Variants in SNX31 observed in about 807,000 individuals in gnomAD.
SNX31 encodes sorting nexin-31.
Under a neutral mutation model 65.4 loss-of-function variants are expected in SNX31, and 58 were observed. That is an observed-to-expected ratio of 0.89 (90% CI 0.72 to 1.10). The LOEUF (loss-of-function observed/expected upper bound fraction) is 1.10. SNX31 is among the 50% of genes least tolerant of loss of function. The probability of loss-of-function intolerance (pLI) is 0.00; values close to 1 mark genes in which losing one functional copy is unlikely to be tolerated. For synonymous variants in SNX31, 181 were observed against 190.1 expected (o/e 0.95, Z 0.39); for missense variants, 523 against 529.7 (o/e 0.99, Z 0.12).
In SNX31 at chr8:100,575,375, T is replaced by C. The variant is rs1192059307; in HGVS notation, c.1228-1415A>G. Among the ~76,000 whole-genome samples the C allele has an allele frequency of 6.6e-6, 1 of 152,256 alleles. No individual in the cohort carries two copies. Among genetic ancestry groups the C allele is most frequent in the African/African-American group, 2.4e-5 (1 of 41,474 alleles). On this transcript the variant is annotated intron_variant, in intron 13 of 13. Transcript: ENST00000311812. This position sits in a 1 kb window ranked among gnomAD's most constrained non-coding sequence, Gnocchi z 5.1. ...CATAAAAAGTAATTATAGCAGTTCATGGCTCAGGATAAGGTCTATACAACA... is the reference window on the plus strand; with the variant it reads ...CATAAAAAGTAATTATAGCAGTTCACGGCTCAGGATAAGGTCTATACAACA...
intron 4 of SNX31, among the ~76,000 whole-genome samples, chr8:100,623,760 TC>T (rs1357439848): frequency 2.6e-5 from 4 of 151,974 alleles, no homozygotes; most frequent in African/African-American, 9.7e-5. Context: ...ATCTTCCACT[TC>T]TCCTTCTCTA....
intron 1 of SNX31, among the ~76,000 whole-genome samples, chr8:100,656,640 C>CAAA (rs34052612): frequency 0.04 from 1,799 of 44,602 alleles, 385 homozygotes; most frequent in African/African-American, 0.12. Flanking sequence ...GACTCTGTCT[C>CAAA]AAAAAAAAAA....
rs1812764466 is a variant in SNX31 at position 100,572,928 on chromosome 8, T to C, written c.*937A>G. The C allele has an allele frequency of 6.6e-6, 1 of 152,432 alleles. No homozygotes were observed. Among genetic ancestry groups the C allele is most frequent in the African/African-American group, 2.4e-5 (1 of 41,462 alleles). 9.4% of individuals were successfully genotyped at this position (152,432 alleles called of 1,614,324 possible). A position where few individuals can be genotyped will look rare whatever the true frequency, so the allele number is the denominator to read the frequency against. Reference sequence around the variant, plus strand: ...TTTGTATTTATTATATAATTAGGTATACAACCCAGTTAGAACATTAGAATA... The same window carrying C: ...TTTGTATTTATTATATAATTAGGTACACAACCCAGTTAGAACATTAGAATA... On this transcript the variant is annotated 3_prime_UTR_variant, in exon 14 of 14. Coordinates refer to ENST00000311812, the MANE Select transcript of SNX31 (RefSeq NM_152628.4).
At chr8:100,589,402 G>GAAAGT (rs1814370752) in intron 10 of SNX31, among the ~76,000 whole-genome samples, 1 of 151,992 alleles carries the variant, frequency 6.6e-6, no homozygotes, top group Admixed American at 6.5e-5. Flanking sequence ...GAGGAGCCAT[G>GAAAGT]AAAGTAAATC....
chr8:100,637,599 A>G (rs1818868063), intron 2 of SNX31, among the ~76,000 whole-genome samples: 1 of 152,230 alleles, frequency 6.6e-6, no homozygotes, highest in African/African-American at 2.4e-5. Context: ...TCTCTTTTCT[A>G]GATTATTGCA....
At chr8:100,584,675 T>G (rs1177929585) in intron 11 of SNX31, among the ~76,000 whole-genome samples, 1 of 151,996 alleles carries the variant, frequency 6.6e-6, no homozygotes, top group African/African-American at 2.4e-5. Context: ...AGCACCTTAT[T>G]GCTTTTACTA....
rs1207161511 is a variant in SNX31, at chr8:100,622,696, A to AT, written c.322-4967_322-4966insA. ...AATAAATAAATAAATAAATAAATAA[A>AT]AATAAAAATAAATTAAATGGGGGCA... On this transcript the variant is annotated intron_variant, in intron 4 of 13. Transcript: ENST00000311812. The surrounding 1 kb of genome is among the most constrained non-coding windows in gnomAD (Gnocchi z 5.0). Among the ~76,000 whole-genome samples, 15 of 151,240 alleles carry AT rather than the reference A, an allele frequency of 9.9e-5. No homozygotes were observed. The highest frequency in any genetic ancestry group is 3.6e-4 in the African/African-American group (15 of 41,110).
At chr8:100,603,811 C>T (rs927763355) in intron 8 of SNX31, among the ~76,000 whole-genome samples, 13 of 151,742 alleles carry the variant, frequency 8.6e-5, no homozygotes, top group South Asian at 6.3e-4. Flanking sequence ...GATCTCATCT[C>T]ACTGCAATCT....
intron 2 of SNX31, among the ~76,000 whole-genome samples, chr8:100,642,394 G>C (rs1044641456): frequency 1.3e-5 from 2 of 152,222 alleles, no homozygotes; most frequent in African/African-American, 4.8e-5. Context: ...CAGCAGCCTT[G>C]AATCAACAGG....
At chr8:100,574,603 A>G (rs1295240384) in intron 13 of SNX31, among the ~76,000 whole-genome samples, 5 of 148,762 alleles carry the variant, frequency 3.4e-5, no homozygotes, top group Admixed American at 1.3e-4. Context: ...ACTGCACTTC[A>G]GCCTGGCAAC....
At chr8:100,580,018 AGGCAT>A (rs1330066154) in intron 12 of SNX31, among the ~76,000 whole-genome samples, 1 of 152,034 alleles carries the variant, frequency 6.6e-6, no homozygotes, top group Non-Finnish European at 1.5e-5. Flanking sequence ...AAAATTAGCC[AGGCAT>A]GGTGGTGTGT....
chr8:100,585,927 G>T (rs1563516136), intron 11 of SNX31, among the ~76,000 whole-genome samples: 1 of 151,036 alleles, frequency 6.6e-6, no homozygotes, highest in African/African-American at 2.4e-5. Flanking sequence ...TCGAGTTGTT[G>T]TTTTTTTTTC....
chr8:100,655,612 A>T (rs1273318538), intron 1 of SNX31, among the ~76,000 whole-genome samples: 2 of 152,202 alleles, frequency 1.3e-5, no homozygotes. Flanking sequence ...CTCCCCAACC[A>T]TGTGGAACTG....
chr8:100,659,922 T>TA (rs1305294583), intron 1 of SNX31, among the ~76,000 whole-genome samples: 4 of 152,170 alleles, frequency 2.6e-5, no homozygotes, highest in African/African-American at 9.6e-5. Context: ...CTTTCATAGG[T>TA]AAAATGAGAC....
At chr8:100,652,310 T>C (rs1284442343), upstream of SNX31, among the ~76,000 whole-genome samples, 1 of 152,212 alleles carries the variant, frequency 6.6e-6, no homozygotes, top group Non-Finnish European at 1.5e-5. Flanking sequence ...GAGTTTTAAA[T>C]AAACATTTAT....
upstream of SNX31, among the ~76,000 whole-genome samples, chr8:100,651,245 C>T (rs184064815): frequency 6.7e-4 from 102 of 152,304 alleles, 1 homozygote; most frequent in African/African-American, 2.2e-3. Context: ...GGGTATTTCC[C>T]CTGCCCATAG....
At chr8:100,636,069 G>T in intron 2 of SNX31, 58 bp from the exon 3 acceptor site, 2 of 1,282,268 alleles carry the variant, frequency 1.6e-6, no homozygotes, top group Non-Finnish European at 2.3e-6. Flanking sequence ...GGGTTGATGA[G>T]ATTACTAAAG....
rs1240951967 is a variant in SNX31, at chr8:100,625,910, G to A, written c.321+4417C>T. 6.6e-6 allele frequency among the ~76,000 whole-genome samples: 1 copy of A among 152,124 alleles called. No individual in the cohort carries two copies. Among genetic ancestry groups the A allele is most frequent in the Non-Finnish European group, 1.5e-5 (1 of 68,030 alleles). ...CATGGCTGGGGAAAGAAAAGGGACT[G>A]GCATTAAGATTTTGCTTTTTAAAAC... is the stretch of plus-strand genomic sequence containing the variant. On this transcript the variant is annotated intron_variant, in intron 4 of 13. Transcript: ENST00000311812. This position sits in a 1 kb window ranked among gnomAD's most constrained non-coding sequence, Gnocchi z 4.2.
At chr8:100,646,207 A>G (rs151009443) in intron 2 of SNX31, among the ~76,000 whole-genome samples, 1 of 152,302 alleles carries the variant, frequency 6.6e-6, no homozygotes, top group Non-Finnish European at 1.5e-5. Context: ...AAAATAAAAG[A>G]TCTCAAAGAA....
Sources: allele counts gnomAD v4.1 joint callset (sites outside exome capture counted in the v4.1 genomes callset), GRCh38; gene constraint gnomAD v4.1.1; non-coding constraint Gnocchi (gnomAD v3.1); transcripts MANE v1.5; gene names NCBI Gene and HGNC (gene_info 2026-07-23, HGNC 2026-07-21).